The following SLC9C2 variants were observed in gnomAD, a reference collection of about 807,000 sequenced individuals.
SLC9C2 encodes the protein solute carrier family 9 member C2 (putative), also known as sodium/hydrogen exchanger 11.
Under a neutral mutation model 140.2 loss-of-function variants are expected in SLC9C2, and 75 were observed. The ratio of observed to expected loss-of-function variants is 0.53; its 90% CI spans 0.44 to 0.65. The LOEUF is 0.65. SLC9C2 is among the 30% of genes least tolerant of loss of function. SLC9C2 has a pLI of 0.00. For synonymous variants in SLC9C2, 375 were observed against 420.9 expected (o/e 0.89, Z 1.34); for missense variants, 1,074 against 1,331.8 (o/e 0.81, Z 3.01).
In SLC9C2 at chr1:173,597,937, T is replaced by C. The variant is rs755798493; in HGVS notation, c.324A>G (p.Val108=). ...PLIIFMVALD[V]EFYTLKKMFW... ...ACATTTTCTTGAGTGTATAAAATTC[T>C]ACATCCAAAGCAACCATAAATATAA... is the stretch of plus-strand genomic sequence containing the variant. Residue 108 remains valine, a synonymous_variant, in exon 4 of 28, where the codon GTA becomes GTG. Transcript: ENST00000367714. 6.3e-7 allele frequency: 1 copy of C among 1,592,886 alleles called. No individual in the cohort carries two copies. The highest frequency in any genetic ancestry group is 2.2e-5 in the East Asian group (1 of 44,488).
intron 27 of SLC9C2, among the ~76,000 whole-genome samples, chr1:173,502,465 C>G (rs1659350648): frequency 6.6e-6 from 1 of 152,026 alleles, no homozygotes; most frequent in Non-Finnish European, 1.5e-5. Flanking sequence ...TCTGCTCTGG[C>G]CCAAACAGGA....
At position 173,501,167 on chromosome 1, in the gene SLC9C2, T is replaced by A. The variant is rs1571406601; in HGVS notation, c.3372-70A>T. On this transcript the variant is annotated intron_variant, in intron 27 of 27. Coordinates refer to ENST00000367714, the MANE Select transcript of SLC9C2 (RefSeq NM_178527.4). ...CAGGAAAAACTTCTTACCTATTAAA[T>A]GGAACCAGAAAACTTATGTAGGCAT... 5 of 1,425,362 alleles carry A rather than the reference T, an allele frequency of 3.5e-6. No homozygotes were observed. The East Asian group carries it at 1.0e-4, about 29-fold the overall frequency. 88.3% of individuals were successfully genotyped at this position (1,425,362 alleles called of 1,614,324 possible).
At chr1:173,531,282 GACT>G (rs1661563586) in intron 17 of SLC9C2, among the ~76,000 whole-genome samples, 1 of 152,188 alleles carries the variant, frequency 6.6e-6, no homozygotes, top group Admixed American at 6.5e-5. Context: ...CAGAAGGGAT[GACT>G]AGTTCAGAAC....
At chr1:173,590,327 A>G (rs933889644) in intron 4 of SLC9C2, among the ~76,000 whole-genome samples, 1 of 152,106 alleles carries the variant, frequency 6.6e-6, no homozygotes, top group Non-Finnish European at 1.5e-5. Context: ...GATGAACTAT[A>G]TTAATTCTCA....
Position 173,511,029 on chromosome 1 carries a change from C to CTTTTTTTTTTTTT in SLC9C2, c.2908-1343_2908-1331dup, listed in dbSNP as rs71111066. Among the ~76,000 whole-genome samples, 99 of 86,746 alleles carry CTTTTTTTTTTTTT rather than the reference C, an allele frequency of 1.1e-3. 4 individuals are homozygous for CTTTTTTTTTTTTT. The highest frequency in any genetic ancestry group is 3.2e-3 in the African/African-American group (59 of 18,322). The allele number at this position is 86,746 out of a possible 152,430, so 56.9% of individuals were successfully genotyped here. On this transcript the variant is annotated intron_variant, in intron 23 of 27. Coordinates refer to ENST00000367714, the MANE Select transcript of SLC9C2 (RefSeq NM_178527.4). ...CCTGGATTTTTTTTCCTTTCTTTTC[C>CTTTTTTTTTTTTT]TTTTTTTTTTTTTTTTTTTTTTTTG... is the stretch of plus-strand genomic sequence containing the variant.
At chr1:173,592,437 G>A (rs1666218278) in intron 4 of SLC9C2, among the ~76,000 whole-genome samples, 2 of 152,110 alleles carry the variant, frequency 1.3e-5, no homozygotes, top group Non-Finnish European at 2.9e-5. Flanking sequence ...CACTGAATTG[G>A]TAAATTGCTT....
At chr1:173,568,048 G>A (rs1664597368) in intron 9 of SLC9C2, among the ~76,000 whole-genome samples, 1 of 152,058 alleles carries the variant, frequency 6.6e-6, no homozygotes, top group African/African-American at 2.4e-5. Flanking sequence ...AGTTGTTGAA[G>A]TAATTACAAC....
intron 24 of SLC9C2, among the ~76,000 whole-genome samples, chr1:173,508,399 A>C (rs1213479396): frequency 6.6e-6 from 1 of 152,108 alleles, no homozygotes; most frequent in Non-Finnish European, 1.5e-5. Context: ...ATTTAAAAAA[A>C]TTTAAAGGAC....
chr1:173,536,830 A>G, intron 14 of SLC9C2, 112 bp downstream of exon 14: 1 of 756,334 alleles, frequency 1.3e-6, no homozygotes, highest in Middle Eastern at 3.9e-4. Flanking sequence ...ATACATACAG[A>G]TATGTGAAAT....
At chr1:173,573,517 C>A (rs1664970831) in intron 8 of SLC9C2, among the ~76,000 whole-genome samples, 192 bp from the exon 9 acceptor site, 1 of 151,960 alleles carries the variant, frequency 6.6e-6, no homozygotes, top group African/African-American at 2.4e-5. Context: ...TTTTTCATTA[C>A]CTTCATCACA....
intron 8 of SLC9C2, among the ~76,000 whole-genome samples, chr1:173,575,926 A>G (rs1665153941): frequency 1.3e-5 from 2 of 152,200 alleles, no homozygotes; most frequent in African/African-American, 4.8e-5. Context: ...ACCATCTTCT[A>G]TCATTGGAAT....
At position 173,505,348 on chromosome 1, in the gene SLC9C2, A is replaced by C; in HGVS notation, c.3226-17T>G. On this transcript the variant is annotated splice_polypyrimidine_tract_variant and intron_variant, in intron 25 of 27. Coordinates refer to ENST00000367714, the MANE Select transcript of SLC9C2 (RefSeq NM_178527.4). ...TCCCTGAACCTAGAGGAGAAAAGTC[A>C]AAATTAGTCAAAAGAGCATTCTTTG... 1 of 1,594,896 alleles carries C rather than the reference A, an allele frequency of 6.3e-7. No homozygotes were observed. The highest frequency in any genetic ancestry group is 8.6e-7 in the Non-Finnish European group (1 of 1,162,906).
intron 9 of SLC9C2, among the ~76,000 whole-genome samples, chr1:173,562,992 G>T (rs1438744007): frequency 1.3e-5 from 2 of 151,450 alleles, no homozygotes; most frequent in South Asian, 4.2e-4. Flanking sequence ...GTGTGGGAGA[G>T]CGGTGCCTCC....
At chr1:173,523,344 C>G (rs1377997985) in intron 21 of SLC9C2, among the ~76,000 whole-genome samples, 1 of 152,072 alleles carries the variant, frequency 6.6e-6, no homozygotes, top group African/African-American at 2.4e-5. Context: ...TGCACTCCAG[C>G]CTGGGCGGCA....
At position 173,576,605 on chromosome 1, in the gene SLC9C2, C is replaced by T. The variant is rs12408779; in HGVS notation, c.902+56G>A. On this transcript the variant is annotated intron_variant, in intron 8 of 27. Coordinates refer to ENST00000367714, the MANE Select transcript of SLC9C2 (RefSeq NM_178527.4). ...TTTACTAGTGTCCATGAAGGCGAGACGCCTTATGCACTAAACTGCTATGAG... is the reference window on the plus strand; with the variant it reads ...TTTACTAGTGTCCATGAAGGCGAGATGCCTTATGCACTAAACTGCTATGAG... The T allele has an allele frequency of 4.9e-3, 5,248 of 1,065,852 alleles. 176 individuals are homozygous for T. The Admixed American group carries it at 0.071, about 14-fold the overall frequency. 66.0% of individuals were successfully genotyped at this position (1,065,852 alleles called of 1,614,324 possible). A position where few individuals can be genotyped will look rare whatever the true frequency, so the allele number is the denominator to read the frequency against.
At chr1:173,556,409 G>A (rs1229201695) in intron 10 of SLC9C2, among the ~76,000 whole-genome samples, 2 of 152,064 alleles carry the variant, frequency 1.3e-5, no homozygotes, top group East Asian at 3.8e-4. Flanking sequence ...ACAGATAATG[G>A]AGTCTTTGCC....
At chr1:173,555,582 G>T (rs1205288814) in intron 10 of SLC9C2, among the ~76,000 whole-genome samples, 3 of 152,226 alleles carry the variant, frequency 2.0e-5, no homozygotes, top group Non-Finnish European at 4.4e-5. Flanking sequence ...ACTGTGAAAT[G>T]ATGCCCAGGT....
At chr1:173,507,796 C>T (rs982575172) in intron 24 of SLC9C2, among the ~76,000 whole-genome samples, 4 of 152,202 alleles carry the variant, frequency 2.6e-5, no homozygotes, top group African/African-American at 9.6e-5. Flanking sequence ...CTCACAGCCC[C>T]TCAGTAGGAG....
intron 19 of SLC9C2, among the ~76,000 whole-genome samples, chr1:173,526,219 C>T (rs1661184027): frequency 6.6e-6 from 1 of 152,228 alleles, no homozygotes; most frequent in Non-Finnish European, 1.5e-5. Context: ...ACTGTAGATA[C>T]TCAGGAAATG....
Sources: gnomAD v4.1 joint callset for allele counts (sites outside exome capture counted in the v4.1 genomes callset) on GRCh38, gnomAD v4.1.1 for gene constraint, MANE v1.5 for transcripts, NCBI Gene and HGNC (gene_info 2026-07-23, HGNC 2026-07-21) for gene names.